GABRA3: variants seen among roughly 807,000 people sequenced by gnomAD.
GABRA3 encodes the protein gamma-aminobutyric acid receptor subunit alpha-3.
In GABRA3, 10 loss-of-function variants were observed where a neutral mutation model predicts 30.1. The ratio of observed to expected loss-of-function variants is 0.33; its 90% CI spans 0.20 to 0.56. The LOEUF (loss-of-function observed/expected upper bound fraction) is 0.56. Among genes scored for constraint, GABRA3 ranks in the 20% least tolerant of loss-of-function variants. The pLI, the probability that GABRA3 is intolerant of heterozygous loss-of-function variation, is 0.89. For synonymous variants in GABRA3, 151 were observed against 146.8 expected (o/e 1.03, Z -0.21); for missense variants, 233 against 392.0 (o/e 0.59, Z 3.42).
intron 5 of GABRA3, among the ~76,000 whole-genome samples, chrX:152,244,908 A>G (rs1938438559): frequency 8.9e-6 from 1 of 112,048 alleles, no homozygotes; most frequent in African/African-American, 3.2e-5. Context: ...AAAATATCAA[A>G]TCATTCTTAG....
intron 5 of GABRA3, chrX:152,251,287 A>G (rs190931824): frequency 2.6e-4 from 38 of 143,723 alleles, no homozygotes; most frequent in African/African-American, 1.1e-3. Flanking sequence ...TCATCTTCCC[A>G]TTCATTCAAC....
intron 4 of GABRA3, among the ~76,000 whole-genome samples, chrX:152,268,912 C>G (rs1254853557): frequency 8.9e-6 from 1 of 111,925 alleles, no homozygotes; most frequent in Non-Finnish European, 1.9e-5. Flanking sequence ...ATTGGTCATT[C>G]AGGAACATGT....
rs767088905 is a variant in GABRA3 at position 152,388,913 on chromosome X, G to A, written c.-26-24317C>T. The stretch of plus-strand genomic sequence containing the variant: ...CAAGGCATGCAACAGTAGACATTTG[G>A]AGATGAAAAAGGAAAAGAATGGTAA... On this transcript the variant is annotated intron_variant, in intron 1 of 9. Transcript: ENST00000370314. 2.8e-5 allele frequency among the ~76,000 whole-genome samples: 3 copies of A among 106,642 alleles called. No homozygotes were observed. In the South Asian group the frequency reaches 1.2e-3, roughly 43 times the overall value. The allele number at this position is 106,642 out of a possible 115,157, so 92.6% of individuals were successfully genotyped here. A position where few individuals can be genotyped will look rare whatever the true frequency, so the allele number is the denominator to read the frequency against.
chrX:152,223,410 G>A (rs185106352), intron 6 of GABRA3, among the ~76,000 whole-genome samples: 1 of 111,418 alleles, frequency 9.0e-6, no homozygotes, highest in African/African-American at 3.3e-5. Context: ...ACATAAGTCA[G>A]ATAATGCCAT....
intron 3 of GABRA3, among the ~76,000 whole-genome samples, chrX:152,298,056 A>G (rs1195006306): frequency 3.6e-5 from 4 of 112,256 alleles, no homozygotes; most frequent in African/African-American, 6.5e-5. Flanking sequence ...AAAATCTTCA[A>G]AACAGCTGAA....
chrX:152,229,231 T>C (rs1938021362), intron 5 of GABRA3, among the ~76,000 whole-genome samples: 1 of 111,482 alleles, frequency 9.0e-6, no homozygotes, highest in African/African-American at 3.3e-5. Flanking sequence ...AATGTGGCAT[T>C]CAGATCATAG....
At chrX:152,399,674 A>T (rs1160622143) in intron 1 of GABRA3, among the ~76,000 whole-genome samples, 1 of 112,131 alleles carries the variant, frequency 8.9e-6, no homozygotes, top group Non-Finnish European at 1.9e-5. Context: ...TCACACTAGC[A>T]GATTTGCATA....
intron 4 of GABRA3, among the ~76,000 whole-genome samples, chrX:152,275,080 T>C (rs1414653882): frequency 1.1e-5 from 1 of 89,412 alleles, no homozygotes; most frequent in African/African-American, 4.1e-5. Context: ...TATTCATATA[T>C]ATAATAAATG....
At position 152,294,923 on chromosome X, in the gene GABRA3, A is replaced by C. The variant is rs186958186; in HGVS notation, c.263-10188T>G. 9.7e-4 allele frequency among the ~76,000 whole-genome samples: 105 copies of C among 107,975 alleles called. 2 individuals are homozygous for C. The East Asian group carries it at 0.018, about 18-fold the overall frequency. The allele number at this position is 107,975 out of a possible 115,157, so 93.8% of individuals were successfully genotyped here. ...GCTCCAACAGCTGCAGGTCTGTTGG[A>C]GTTTGCTCCAACAGCTGCAGGTCTG... is the stretch of plus-strand genomic sequence containing the variant. On this transcript the variant is annotated intron_variant, in intron 3 of 9. Coordinates refer to ENST00000370314, the MANE Select transcript of GABRA3 (RefSeq NM_000808.4).
chrX:152,180,628 A>C (rs1238121286), intron 9 of GABRA3, among the ~76,000 whole-genome samples: 1 of 111,558 alleles, frequency 9.0e-6, no homozygotes, highest in Admixed American at 9.6e-5. Context: ...TTTCACAGAG[A>C]TTTTTTTCCC....
intron 4 of GABRA3, among the ~76,000 whole-genome samples, chrX:152,273,142 A>G (rs1938978674): frequency 8.9e-6 from 1 of 111,951 alleles, no homozygotes; most frequent in African/African-American, 3.2e-5. Flanking sequence ...CTGAATAGAC[A>G]TTTTTCTAAA....
At chrX:152,256,079 C>T in intron 4 of GABRA3, 81 bp from the exon 5 acceptor site, 1 of 687,077 alleles carries the variant, frequency 1.5e-6, no homozygotes, top group Non-Finnish European at 2.3e-6. Context: ...TATTAATTAC[C>T]TTGCAGTATT....
intron 6 of GABRA3, among the ~76,000 whole-genome samples, chrX:152,220,472 A>C (rs1569359589): frequency 9.0e-6 from 1 of 111,575 alleles, no homozygotes; most frequent in Non-Finnish European, 1.9e-5. Flanking sequence ...ACATTAAGGT[A>C]GTTCCCAGTG....
At chrX:152,222,469 T>C (rs1437667389) in intron 6 of GABRA3, among the ~76,000 whole-genome samples, 1 of 108,704 alleles carries the variant, frequency 9.2e-6, no homozygotes, top group Non-Finnish European at 1.9e-5. Context: ...CCTTTTTTTT[T>C]CTTGAATATA....
chrX:152,241,285 G>C (rs753881913), intron 5 of GABRA3, among the ~76,000 whole-genome samples: 4 of 87,657 alleles, frequency 4.6e-5, no homozygotes, highest in Non-Finnish European at 8.0e-5. Flanking sequence ...CCCCTGCTGG[G>C]GGGTGCCTCC....
intron 3 of GABRA3, among the ~76,000 whole-genome samples, chrX:152,314,505 G>A (rs750215413): frequency 3.6e-5 from 4 of 112,238 alleles, no homozygotes; most frequent in East Asian, 2.8e-4. Context: ...TTACCAAGCC[G>A]TATAATTCCC....
chrX:152,323,567 G>GT (rs1009306354), intron 3 of GABRA3, among the ~76,000 whole-genome samples: 3 of 111,927 alleles, frequency 2.7e-5, no homozygotes, highest in African/African-American at 9.7e-5. Context: ...GAATCTCTTT[G>GT]TTTTTTCTTC....
At chrX:152,381,699 A>AC (rs776079861) in intron 1 of GABRA3, among the ~76,000 whole-genome samples, 153 of 105,228 alleles carry the variant, frequency 1.5e-3, no homozygotes, top group African/African-American at 3.9e-3. Context: ...CCCTCCCCTA[A>AC]CCCCCCCCAC....
intron 4 of GABRA3, among the ~76,000 whole-genome samples, chrX:152,272,998 T>A (rs1021546535): frequency 9.0e-6 from 1 of 111,592 alleles, no homozygotes; most frequent in Non-Finnish European, 1.9e-5. Flanking sequence ...CTTGGGCAGT[T>A]CTTTATAGCA....
Sources: gnomAD v4.1 joint callset for allele counts (sites outside exome capture counted in the v4.1 genomes callset) on GRCh38, gnomAD v4.1.1 for gene constraint, MANE v1.5 for transcripts, NCBI Gene and HGNC (gene_info 2026-07-23, HGNC 2026-07-21) for gene names.